SEMA6D: variants seen among roughly 807,000 people sequenced by gnomAD.
SEMA6D encodes the protein semaphorin-6D.
In SEMA6D, 35 loss-of-function variants were observed where a neutral mutation model predicts 106.6. The observed-to-expected ratio is 0.33, with a 90% CI of 0.25 to 0.44. The LOEUF is 0.44. Among genes scored for constraint, SEMA6D ranks in the 20% least tolerant of loss-of-function variants. SEMA6D has a pLI of 1.00. For synonymous variants in SEMA6D, 499 were observed against 487.7 expected, an observed-to-expected ratio of 1.02 and a Z score of -0.31; for missense variants, 1,185 against 1,345.9, an observed-to-expected ratio of 0.88 and a Z score of 1.87.
chr15:47,470,813 A>G (rs760146890), intron 3 of SEMA6D, among the ~76,000 whole-genome samples: 41 of 152,168 alleles, frequency 2.7e-4, no homozygotes, highest in Non-Finnish European at 4.9e-4. Context: ...AAAATATAAT[A>G]GGAGGAGAAT....
intron 1 of SEMA6D, among the ~76,000 whole-genome samples, chr15:47,217,628 G>A (rs2030760643): frequency 6.7e-6 from 1 of 150,008 alleles, no homozygotes; most frequent in Non-Finnish European, 1.5e-5. Flanking sequence ...ATAGTCATAT[G>A]TATTTTACTA....
chr15:47,601,119 AG>A (rs144621310), intron 4 of SEMA6D, among the ~76,000 whole-genome samples: 9 of 151,600 alleles, frequency 5.9e-5, no homozygotes, highest in South Asian at 2.1e-4. Context: ...AGAGAGAGAA[AG>A]AGAGAGAGAG....
intron 1 of SEMA6D, among the ~76,000 whole-genome samples, chr15:47,345,625 A>G (rs1459600807): frequency 6.6e-6 from 1 of 152,178 alleles, no homozygotes; most frequent in Admixed American, 6.5e-5. Context: ...GTAAGAGAAA[A>G]CGTTTGTCTC....
At chr15:47,646,875 A>C (rs1323384557) in intron 4 of SEMA6D, among the ~76,000 whole-genome samples, 1 of 152,188 alleles carries the variant, frequency 6.6e-6, no homozygotes, top group African/African-American at 2.4e-5. Context: ...AATTTCATGA[A>C]AGAACAAGAT....
chr15:47,445,363 C>T (rs910312729), intron 2 of SEMA6D, among the ~76,000 whole-genome samples: 5 of 151,874 alleles, frequency 3.3e-5, no homozygotes, highest in Non-Finnish European at 2.9e-5. Context: ...TCAATTTGGT[C>T]GTAATGTTAT....
intron 1 of SEMA6D, among the ~76,000 whole-genome samples, chr15:47,249,444 G>GT (rs74517697): frequency 1.2e-3 from 175 of 147,454 alleles, no homozygotes; most frequent in African/African-American, 1.6e-3. Context: ...ACAAAATCAT[G>GT]TTTTTTTTTT....
intron 4 of SEMA6D, among the ~76,000 whole-genome samples, chr15:47,644,766 C>G (rs138019973): frequency 6.6e-6 from 1 of 152,208 alleles, no homozygotes; most frequent in Non-Finnish European, 1.5e-5. Flanking sequence ...TATTCCATTA[C>G]AGCAGCACCA....
At chr15:47,473,884 G>A (rs192066255) in intron 3 of SEMA6D, among the ~76,000 whole-genome samples, 126 of 152,150 alleles carry the variant, frequency 8.3e-4, no homozygotes, top group Admixed American at 1.4e-3. Flanking sequence ...TTGTGATGGT[G>A]GCTTTGTAAT....
chr15:47,491,768 G>T (rs77388562), intron 3 of SEMA6D, among the ~76,000 whole-genome samples: 2,521 of 152,220 alleles, frequency 0.017, 69 homozygotes, highest in African/African-American at 0.057. Flanking sequence ...AATGAGCTTG[G>T]TTAGTAGTTT....
At chr15:47,707,848 A>G (rs533428215) in intron 4 of SEMA6D, among the ~76,000 whole-genome samples, 1 of 152,126 alleles carries the variant, frequency 6.6e-6, no homozygotes, top group Non-Finnish European at 1.5e-5. Context: ...ACCCAAAACC[A>G]TACTCAATTA....
At chr15:47,671,996 A>G (rs911479330) in intron 4 of SEMA6D, among the ~76,000 whole-genome samples, 2 of 152,216 alleles carry the variant, frequency 1.3e-5, no homozygotes, top group African/African-American at 4.8e-5. Context: ...TATTGTGAGC[A>G]TTGTGTACCA....
chr15:47,748,319 T>C (rs1323505537), intron 1 of SEMA6D, among the ~76,000 whole-genome samples: 1 of 152,236 alleles, frequency 6.6e-6, no homozygotes, highest in Non-Finnish European at 1.5e-5. Context: ...CCTGTCAGTG[T>C]TCTACCTTCT....
At chr15:47,326,866 A>C (rs940149494) in intron 1 of SEMA6D, among the ~76,000 whole-genome samples, 3 of 152,178 alleles carry the variant, frequency 2.0e-5, no homozygotes, top group African/African-American at 7.2e-5. Context: ...TACAGTTAGT[A>C]GGTCACTGGT....
intron 3 of SEMA6D, among the ~76,000 whole-genome samples, chr15:47,492,719 T>C (rs920592694): frequency 1.3e-5 from 2 of 152,144 alleles, no homozygotes; most frequent in African/African-American, 4.8e-5. Context: ...TAGCTAACAA[T>C]GTCTGGGTAC....
In SEMA6D at chr15:47,771,861, A is replaced by C; in HGVS notation, c.*76A>C. On this transcript the variant is annotated 3_prime_UTR_variant, in exon 19 of 19. Coordinates refer to ENST00000536845, the MANE Select transcript of SEMA6D (RefSeq NM_001358351.3). ...AGGATGATGTTGTAAGGGTACCTTA[A>C]AACAAGAGACTCGCTTGTATTTTAA... 3 of 1,385,460 alleles carry C rather than the reference A, an allele frequency of 2.2e-6. No individual in the cohort carries two copies. The highest frequency in any genetic ancestry group is 3.0e-6 in the Non-Finnish European group (3 of 1,010,934). 85.8% of individuals were successfully genotyped at this position (1,385,460 alleles called of 1,614,324 possible). A position where few individuals can be genotyped will look rare whatever the true frequency, so the allele number is the denominator to read the frequency against.
intron 1 of SEMA6D, among the ~76,000 whole-genome samples, chr15:47,353,485 G>A (rs773029410): frequency 3.9e-5 from 6 of 152,100 alleles, no homozygotes; most frequent in East Asian, 1.9e-4. Context: ...TCCACATGCC[G>A]TTCCATTGGG....
chr15:47,386,462 G>A (rs546659158), intron 1 of SEMA6D, among the ~76,000 whole-genome samples: 2 of 152,304 alleles, frequency 1.3e-5, no homozygotes, highest in African/African-American at 4.8e-5. Context: ...GTTAGAGGCG[G>A]GTGCTGGGAG....
intron 4 of SEMA6D, among the ~76,000 whole-genome samples, chr15:47,607,220 C>CATATACTTAG: frequency 6.6e-6 from 1 of 152,136 alleles, no homozygotes; most frequent in Non-Finnish European, 1.5e-5. Flanking sequence ...ATGACTTCCC[C>CATATACTTAG]AGTCAGTCAC....
At chr15:47,328,818 G>T (rs1378012993) in intron 1 of SEMA6D, among the ~76,000 whole-genome samples, 1 of 152,198 alleles carries the variant, frequency 6.6e-6, no homozygotes, top group African/African-American at 2.4e-5. Flanking sequence ...GATGGTGATG[G>T]AGTCCACTGT....
Sources: gnomAD v4.1 joint callset for allele counts (sites outside exome capture counted in the v4.1 genomes callset) on GRCh38, gnomAD v4.1.1 for gene constraint, MANE v1.5 for transcripts, NCBI Gene and HGNC (gene_info 2026-07-23, HGNC 2026-07-21) for gene names.